Variants in PRKDC observed in about 807,000 individuals in gnomAD.
PRKDC encodes the protein protein kinase, DNA-activated, catalytic subunit, also known as DNA-dependent protein kinase catalytic subunit.
PRKDC carries 82 observed loss-of-function variants against 486.9 expected under a neutral mutation model. The ratio of observed to expected loss-of-function variants is 0.17; its 90% CI spans 0.14 to 0.20. The LOEUF is 0.20. Ranked by LOEUF, PRKDC falls within the 10% of genes least tolerant of loss-of-function variation. The pLI, the probability that PRKDC is intolerant of heterozygous loss-of-function variation, is 1.00. For missense variants in PRKDC, 4,504 were observed against 5,038.2 expected (o/e 0.89, Z 3.21); for synonymous variants, 1,895 against 1,837.0 (o/e 1.03, Z -0.81).
At chr8:47,896,045 A>T (rs943783857) in intron 30 of PRKDC, among the ~76,000 whole-genome samples, 1 of 152,178 alleles carries the variant, frequency 6.6e-6, no homozygotes, top group Non-Finnish European at 1.5e-5. Flanking sequence ...TCTCGGGGGA[A>T]AAAAAATTTT....
chr8:47,864,758 G>A lies in PRKDC; in HGVS notation c.5369C>T (p.Ser1790Leu), dbSNP rs1305222678. 2.5e-6 allele frequency: 4 copies of A among 1,573,768 alleles called. No individual in the cohort carries two copies. The highest frequency in any genetic ancestry group is 3.5e-6 in the Non-Finnish European group (4 of 1,157,278). ...SSFRRIARRG[S>L]CVTQVGLLES... ...CAGAAGGCCTACTTGTGTGACACAT[G>A]AACCCCTAAGAAAACAAGATAAAAT... Residue 1790 changes from serine (S) to leucine (L), a missense_variant, in exon 41 of 86, where the codon TCA becomes TTA. Around this residue, in one of 6 missense-constraint regions of PRKDC, gnomAD observed 1,969 missense variants for 2,068.9 expected, o/e 0.95. Coordinates refer to ENST00000314191, the MANE Select transcript of PRKDC (RefSeq NM_006904.7).
At chr8:47,948,437 A>G (rs1301994341) in intron 7 of PRKDC, among the ~76,000 whole-genome samples, 1 of 145,020 alleles carries the variant, frequency 6.9e-6, no homozygotes, top group Admixed American at 7.0e-5. Flanking sequence ...TCATTCATAC[A>G]GTCTGTATTT....
rs776436426 is a variant in PRKDC, at chr8:47,782,528, G to T, written c.11246C>A (p.Pro3749His). The change falls in exon 79 of 86, where the codon CCT becomes CAT. Residue 3749 changes from proline (P) to histidine (H), a missense_variant. Pro to His is a moderately conservative substitution (Grantham distance 77). Coordinates refer to ENST00000314191, the MANE Select transcript of PRKDC (RefSeq NM_006904.7). The surrounding 1 kb of genome is among the most constrained non-coding windows in gnomAD (Gnocchi z 4.9). ...IIRGHDEREH[P>H]FLVKGGEDLR... ...GTCCTCGCCACCCTTCACCAGGAAA[G>T]GGTGTTCCCTCTCGTCATGGCCACG... 4.2e-5 allele frequency: 67 copies of T among 1,576,652 alleles called. No individual in the cohort carries two copies. The highest frequency in any genetic ancestry group is 5.4e-5 in the Non-Finnish European group (63 of 1,161,548).
At chr8:47,895,424 A>G (rs2089556325) in intron 30 of PRKDC, among the ~76,000 whole-genome samples, 1 of 152,234 alleles carries the variant, frequency 6.6e-6, no homozygotes, top group South Asian at 2.1e-4. Context: ...TATTTAGTTC[A>G]GAATACATGA....
rs1329004745 is a variant in PRKDC at position 47,864,681 on chromosome 8, G to T, written c.5446C>A (p.Arg1816Ser). 5 of 1,607,838 alleles carry T rather than the reference G, an allele frequency of 3.1e-6. No individual in the cohort carries two copies. Among genetic ancestry groups the T allele is most frequent in the Non-Finnish European group, 4.2e-6 (5 of 1,177,186 alleles). The change falls in exon 41 of 86, where the codon CGC becomes AGC. Residue 1816 changes from arginine to serine, a missense_variant. This residue lies in a region of PRKDC where 1,969 missense variants were observed against 2,068.9 expected (regional missense o/e 0.95). Coordinates refer to ENST00000314191, the MANE Select transcript of PRKDC (RefSeq NM_006904.7). ...AGGGAGCGGTCCACAAAGGACTGGC[G>T]TGTGAAACTTAGGCGGGGGTCATCC... Reference protein sequence around the residue: ...RKDDPRLSFTRQSFVDRSLLT... With the variant: ...RKDDPRLSFTSQSFVDRSLLT...
chr8:47,898,644 G>T, intron 28 of PRKDC, 75 bp from the exon 29 acceptor site: 3 of 918,588 alleles, frequency 3.3e-6, no homozygotes, highest in Non-Finnish European at 2.9e-6. Context: ...TATTATAAAT[G>T]TGTTGGCCTA....
chr8:47,832,080 G>A (rs1251661544), intron 59 of PRKDC, among the ~76,000 whole-genome samples, 154 bp from the exon 60 acceptor site: 1 of 152,200 alleles, frequency 6.6e-6, no homozygotes, highest in South Asian at 2.1e-4. Flanking sequence ...GCTGCAACTG[G>A]AACTGCTCAG....
rs1429140344 is a variant in PRKDC, at chr8:47,898,503, G to A, written c.3431C>T (p.Ser1144Phe). The A allele has an allele frequency of 7.7e-6, 12 of 1,562,786 alleles. No homozygotes were observed. Among genetic ancestry groups the A allele is most frequent in the Non-Finnish European group, 1.0e-5 (12 of 1,148,352 alleles). The change falls in exon 29 of 86, where the codon TCT (serine) becomes TTT (phenylalanine). Residue 1144 changes from serine (S) to phenylalanine (F), a missense_variant. Around this residue, in one of 6 missense-constraint regions of PRKDC, gnomAD observed 1,969 missense variants for 2,068.9 expected, o/e 0.95. Coordinates refer to ENST00000314191, the MANE Select transcript of PRKDC (RefSeq NM_006904.7). Reference protein sequence around the residue: ...LCRIIEKKHVSLNKAKKRRLP... With the variant: ...LCRIIEKKHVFLNKAKKRRLP... Reference sequence around the variant, plus strand: ...ACGTCGTTTCTTTGCTTTATTTAAAGAAACATGCTTCTTTTCAATGATGCG... The same window carrying A: ...ACGTCGTTTCTTTGCTTTATTTAAAAAAACATGCTTCTTTTCAATGATGCG...
rs571168592 is a variant in PRKDC at position 47,943,238 on chromosome 8, G to A, written c.937C>T (p.Leu313Phe). 4 of 1,613,436 alleles carry A rather than the reference G, an allele frequency of 2.5e-6. No individual in the cohort carries two copies. The East Asian group carries it at 6.7e-5, about 27-fold the overall frequency. The change falls in exon 10 of 86, where the codon CTT (leucine) becomes TTT (phenylalanine). Residue 313 changes from leucine to phenylalanine, a missense_variant. By Grantham distance (22) the Leu-to-Phe change is conservative. Coordinates refer to ENST00000314191, the MANE Select transcript of PRKDC (RefSeq NM_006904.7). ...HTNVELKKAA[L>F]SALESFLKQV... Reference sequence around the variant, plus strand: ...TTCAGAAAGGATTCCAGGGCTGAAAGTGCAGCTTTTTTCAATTCTACATTT... The same window carrying A: ...TTCAGAAAGGATTCCAGGGCTGAAAATGCAGCTTTTTTCAATTCTACATTT...
intron 22 of PRKDC, among the ~76,000 whole-genome samples, chr8:47,917,582 T>A (rs183802097): frequency 6.6e-6 from 1 of 152,190 alleles, no homozygotes; most frequent in African/African-American, 2.4e-5. Flanking sequence ...TCGAGAAAAC[T>A]TGCCCCAAGG....
chr8:47,891,567 A>C (rs2089457659), intron 31 of PRKDC, among the ~76,000 whole-genome samples: 1 of 151,982 alleles, frequency 6.6e-6, no homozygotes, highest in East Asian at 1.9e-4. Flanking sequence ...AAAAATACAA[A>C]AAATTAGCTG....
chr8:47,889,125 T>C lies in PRKDC; in HGVS notation c.4169A>G (p.Gln1390Arg), dbSNP rs760414128. 6.2e-7 allele frequency: 1 copy of C among 1,614,038 alleles called. No individual in the cohort carries two copies. Among genetic ancestry groups the C allele is most frequent in the Admixed American group, 1.7e-5 (1 of 60,014 alleles). ...AACATCAGGAAGATGAGCCATAACCTGGACGTCTCCGATGTTGAAACCTAT... is the reference window on the plus strand; with the variant it reads ...AACATCAGGAAGATGAGCCATAACCCGGACGTCTCCGATGTTGAAACCTAT... ...ASIGFNIGDV[Q>R]VMAHLPDVCV... The change falls in exon 33 of 86, where the codon CAG becomes CGG. Residue 1390 changes from glutamine to arginine, a missense_variant. Gln to Arg is a conservative substitution (Grantham distance 43). Coordinates refer to ENST00000314191, the MANE Select transcript of PRKDC (RefSeq NM_006904.7).
At chr8:47,917,940 G>A (rs2090012836) in intron 22 of PRKDC, among the ~76,000 whole-genome samples, 1 of 152,122 alleles carries the variant, frequency 6.6e-6, no homozygotes, top group Admixed American at 6.6e-5. Flanking sequence ...AACTTCCTGG[G>A]CACAGGTGAT....
intron 85 of PRKDC, among the ~76,000 whole-genome samples, chr8:47,776,099 G>A (rs944750976): frequency 2.6e-5 from 4 of 152,106 alleles, no homozygotes; most frequent in African/African-American, 4.8e-5. Context: ...GTTGAGGCGT[G>A]AGCCACCACG....
intron 80 of PRKDC, among the ~76,000 whole-genome samples, chr8:47,780,542 G>A (rs1271824509): frequency 1.3e-5 from 2 of 152,194 alleles, no homozygotes; most frequent in African/African-American, 4.8e-5. Flanking sequence ...AATCACTTCA[G>A]GTGAAATCTT....
chr8:47,896,438 C>G (rs1041777702), intron 30 of PRKDC, among the ~76,000 whole-genome samples: 31 of 151,832 alleles, frequency 2.0e-4, no homozygotes, highest in East Asian at 7.7e-4. Context: ...ACGAGGTCAG[C>G]AGATAGAGAC....
At chr8:47,844,971 T>C (rs1038881647) in intron 54 of PRKDC, among the ~76,000 whole-genome samples, 11 of 152,226 alleles carry the variant, frequency 7.2e-5, no homozygotes, top group Admixed American at 2.6e-4. Flanking sequence ...TGTACCCACT[T>C]TGGGAGGTTG....
At chr8:47,863,322 CTATA>C in intron 42 of PRKDC, 73 bp downstream of exon 42, 1 of 1,221,678 alleles carries the variant, frequency 8.2e-7, no homozygotes, top group East Asian at 2.5e-5. Flanking sequence ...TTTATTCACA[CTATA>C]TACATACATA....
intron 64 of PRKDC, among the ~76,000 whole-genome samples, chr8:47,822,456 G>C (rs1458190990): frequency 6.6e-6 from 1 of 152,094 alleles, no homozygotes; most frequent in Non-Finnish European, 1.5e-5. Context: ...AATAAAATTA[G>C]AATACAGGAC....
Sources: allele counts gnomAD v4.1 joint callset (sites outside exome capture counted in the v4.1 genomes callset), GRCh38; gene constraint gnomAD v4.1.1; regional missense constraint gnomAD v4.1.1; non-coding constraint Gnocchi (gnomAD v3.1); transcripts MANE v1.5; gene names NCBI Gene and HGNC (gene_info 2026-07-23, HGNC 2026-07-21).